Variants in GAK observed in about 807,000 individuals in gnomAD.
GAK encodes the protein cyclin-G-associated kinase.
Under a neutral mutation model 143.9 loss-of-function variants are expected in GAK, and 79 were observed. The observed-to-expected ratio is 0.55, with a 90% confidence interval of 0.46 to 0.66. The LOEUF (loss-of-function observed/expected upper bound fraction) is 0.66. GAK is among the 30% of genes least tolerant of loss of function. The pLI is 0.00. For missense variants in GAK, 1,693 were observed against 1,779.7 expected (o/e 0.95, Z 0.88); for synonymous variants, 881 against 765.5 (o/e 1.15, Z -2.49).
intron 6 of GAK, chr4:897,830 C>A (rs780768976): frequency 2.1e-6 from 1 of 485,294 alleles, no homozygotes; most frequent in Non-Finnish European, 3.6e-6. Context: ...GTGCCTGTAA[C>A]CCCAGCTACT....
intron 9 of GAK, among the ~76,000 whole-genome samples, chr4:892,878 G>A (rs143660384): frequency 1.5e-4 from 23 of 152,340 alleles, no homozygotes; most frequent in East Asian, 1.4e-3. Flanking sequence ...TGCAGAGTGC[G>A]AAGACCTTGG....
At chr4:866,244 C>T (rs1382121799) in intron 22 of GAK, 120 bp downstream of exon 22, 24 of 1,030,962 alleles carry the variant, frequency 2.3e-5, no homozygotes, top group Admixed American at 4.3e-5. Flanking sequence ...GGAGCGCACC[C>T]GGAGGCCACA....
intron 5 of GAK, among the ~76,000 whole-genome samples, chr4:898,379 C>T (rs1436266675): frequency 6.6e-6 from 1 of 152,206 alleles, no homozygotes; most frequent in African/African-American, 2.4e-5. Context: ...GCAGAGGGGC[C>T]CTGGCGGGTG....
rs898545431 is a variant in GAK, at chr4:920,378, C to T, written c.146-6710G>A. Among the ~76,000 whole-genome samples the T allele has an allele frequency of 4.6e-5, 7 of 151,540 alleles. No individual in the cohort carries two copies. In the South Asian group the frequency reaches 8.4e-4, roughly 18 times the overall value. On this transcript the variant is annotated intron_variant, in intron 1 of 27. Coordinates refer to ENST00000314167, the MANE Select transcript of GAK (RefSeq NM_005255.4). ...CTGATGTGACTTTTAACACCTCTAA[C>T]GCAGTATCACACACAGTGCAGGGAA... is the stretch of plus-strand genomic sequence containing the variant.
intron 19 of GAK, chr4:870,093 GCA>G (rs143454668): frequency 1.2e-4 from 18 of 155,042 alleles, no homozygotes; most frequent in South Asian, 2.0e-4. Flanking sequence ...CACCACTCGT[GCA>G]CACACACACA....
intron 10 of GAK, among the ~76,000 whole-genome samples, chr4:890,227 G>C (rs1453219146): frequency 6.6e-6 from 1 of 152,184 alleles, no homozygotes; most frequent in Admixed American, 6.5e-5. Context: ...CCCTGAGCGA[G>C]GCCGCCTGGT....
At chr4:858,981 G>A (rs1031253241) in intron 24 of GAK, among the ~76,000 whole-genome samples, 3 of 152,244 alleles carry the variant, frequency 2.0e-5, no homozygotes, top group African/African-American at 7.2e-5. Context: ...CCAGGCAAGT[G>A]CAAGGGAGGC....
chr4:899,384 A>G (rs955788806), intron 5 of GAK, among the ~76,000 whole-genome samples: 5 of 151,832 alleles, frequency 3.3e-5, no homozygotes, highest in Admixed American at 1.3e-4. Context: ...CGCCAGCCAC[A>G]GATGGAAGGT....
At chr4:858,363 G>A (rs554826390) in intron 24 of GAK, among the ~76,000 whole-genome samples, 98 of 152,354 alleles carry the variant, frequency 6.4e-4, no homozygotes, top group African/African-American at 2.3e-3. Context: ...CGCCCACCGA[G>A]CCAGCAGGCG....
chr4:895,444 C>T (rs530948972), intron 7 of GAK, among the ~76,000 whole-genome samples: 18 of 152,366 alleles, frequency 1.2e-4, no homozygotes, highest in African/African-American at 1.7e-4. Flanking sequence ...GGGCCAAGAA[C>T]ACAGGCAATG....
At chr4:893,735 C>CA (rs1206214113) in intron 8 of GAK, 139 bp downstream of exon 8, 8 of 977,600 alleles carry the variant, frequency 8.2e-6, no homozygotes, top group African/African-American at 6.8e-5. Context: ...ACCCCCCCCC[C>CA]AGGGATGTTG....
intron 1 of GAK, among the ~76,000 whole-genome samples, chr4:922,472 G>A (rs537172048): frequency 2.9e-5 from 4 of 138,808 alleles, no homozygotes; most frequent in Admixed American, 8.1e-5. Context: ...CTGAGATTGC[G>A]CCACTGCACT....
At chr4:909,387 C>T (rs565124233) in intron 4 of GAK, among the ~76,000 whole-genome samples, 1 of 152,350 alleles carries the variant, frequency 6.6e-6, no homozygotes, top group East Asian at 1.9e-4. Context: ...GATTGACTGA[C>T]AGACACCTCA....
intron 24 of GAK, among the ~76,000 whole-genome samples, chr4:857,662 A>AT (rs1413297636): frequency 6.6e-6 from 1 of 152,060 alleles, no homozygotes; most frequent in Non-Finnish European, 1.5e-5. Flanking sequence ...ACCATCCCCC[A>AT]TATCGATGAC....
chr4:924,143 C>A (rs1266699549), intron 1 of GAK, among the ~76,000 whole-genome samples: 1 of 144,578 alleles, frequency 6.9e-6, no homozygotes, highest in Non-Finnish European at 1.5e-5. Flanking sequence ...CAAGATGGAG[C>A]CACTGCACTC....
At chr4:912,074 A>C (rs1471039681) in intron 3 of GAK, 2 of 475,058 alleles carry the variant, frequency 4.2e-6, no homozygotes, top group African/African-American at 2.0e-5. Context: ...TGGCAGGAGG[A>C]GGCAGGGCCC....
chr4:851,603 ATCGGAAACCGCG>A, intron 25 of GAK, 135 bp downstream of exon 25: 1 of 765,988 alleles, frequency 1.3e-6, no homozygotes, highest in Non-Finnish European at 2.2e-6. Context: ...GTGAACACAC[ATCGGAAACCGCG>A]TCGTTCTCTG....
chr4:912,709 G>A, intron 3 of GAK, 26 bp downstream of exon 3: 2 of 1,606,392 alleles, frequency 1.2e-6, no homozygotes, highest in Non-Finnish European at 1.7e-6. Context: ...CCACCGTGCT[G>A]GCTCCTGGTT....
At position 870,721 on chromosome 4, in the gene GAK, C is replaced by G. The variant is rs1420640830; in HGVS notation, c.2238G>C (p.Leu746=). ...FSSREEQQDI[L]SKFGKPELPR... ...CCTGCGGGATCTTACCAAACTTAGA[C>G]AGAATGTCTTGCTGCTCCTCCCGGC... Residue 746 remains leucine (L), a synonymous_variant, in exon 19 of 28, where the codon CTG becomes CTC. Coordinates refer to ENST00000314167, the MANE Select transcript of GAK (RefSeq NM_005255.4). 6.2e-7 allele frequency: 1 copy of G among 1,613,934 alleles called. No individual in the cohort carries two copies. Among genetic ancestry groups the G allele is most frequent in the Non-Finnish European group, 8.5e-7 (1 of 1,179,956 alleles).
Sources: gnomAD v4.1 joint callset for allele counts (sites outside exome capture counted in the v4.1 genomes callset) on GRCh38, gnomAD v4.1.1 for gene constraint, MANE v1.5 for transcripts, NCBI Gene and HGNC (gene_info 2026-07-23, HGNC 2026-07-21) for gene names.